The following RSU1 variants were observed in gnomAD, a reference collection of about 807,000 sequenced individuals.
The protein encoded by RSU1 is rsu-1.
RSU1 carries 26 observed loss-of-function variants against 31.1 expected under a neutral mutation model. The observed-to-expected ratio is 0.84, with a 90% confidence interval of 0.61 to 1.16. The LOEUF (loss-of-function observed/expected upper bound fraction) is 1.16. Ranked by LOEUF, RSU1 falls within the 50% of genes most tolerant of loss-of-function variation. The probability of loss-of-function intolerance (pLI) is 0.00; values close to 1 mark genes in which losing one functional copy is unlikely to be tolerated. For synonymous variants in RSU1, 164 were observed against 136.3 expected (o/e 1.20, Z -1.41); for missense variants, 320 against 339.1 (o/e 0.94, Z 0.44).
chr10:16,603,543 A>T (rs1380762702), intron 8 of RSU1, among the ~76,000 whole-genome samples: 1 of 152,242 alleles, frequency 6.6e-6, no homozygotes, highest in African/African-American at 2.4e-5. Context: ...TCCCTGGGGA[A>T]GGAGCTTTCA....
intron 8 of RSU1, among the ~76,000 whole-genome samples, chr10:16,628,408 A>G (rs934866235): frequency 1.3e-5 from 2 of 152,212 alleles, no homozygotes; most frequent in Non-Finnish European, 2.9e-5. Context: ...TTACCTTCTA[A>G]TCAATTTAAG....
At chr10:16,661,108 T>C (rs919506240) in intron 8 of RSU1, among the ~76,000 whole-genome samples, 2 of 152,242 alleles carry the variant, frequency 1.3e-5, no homozygotes, top group African/African-American at 2.4e-5. Flanking sequence ...TTTTTCTCTA[T>C]ATAGCTCACA....
chr10:16,729,501 A>C (rs1460849409), intron 7 of RSU1, among the ~76,000 whole-genome samples: 2 of 152,102 alleles, frequency 1.3e-5, no homozygotes, highest in African/African-American at 4.8e-5. Context: ...TAGTCAAGGA[A>C]GGTTAACTGT....
At chr10:16,805,477 C>T (rs1588548116) in intron 2 of RSU1, among the ~76,000 whole-genome samples, 1 of 151,952 alleles carries the variant, frequency 6.6e-6, no homozygotes, top group South Asian at 2.1e-4. Context: ...CGAGACCATC[C>T]TGGCTAACAC....
rs564082620 is a variant in RSU1, at chr10:16,805,691, T to G, written c.109+11282A>C. Among the ~76,000 whole-genome samples, 3 of 151,926 alleles carry G rather than the reference T, an allele frequency of 2.0e-5. No individual in the cohort carries two copies. In the South Asian group the frequency reaches 6.2e-4, roughly 32 times the overall value. On this transcript the variant is annotated intron_variant, in intron 2 of 8. Coordinates refer to ENST00000345264, the MANE Select transcript of RSU1 (RefSeq NM_012425.4). ...CAAAAAAAAAAAAAAAAAGCTTTTT[T>G]TTTTTTAAAGAGGGAGAATGAAGAT...
intron 7 of RSU1, among the ~76,000 whole-genome samples, chr10:16,737,991 A>T (rs895665907): frequency 5.3e-5 from 8 of 152,252 alleles, no homozygotes; most frequent in Admixed American, 2.0e-4. Flanking sequence ...AATGTTTCGG[A>T]TATCTCCGAA....
chr10:16,706,987 G>A (rs151110174), intron 7 of RSU1, among the ~76,000 whole-genome samples: 97 of 151,948 alleles, frequency 6.4e-4, no homozygotes, highest in African/African-American at 2.3e-3. Flanking sequence ...TCATATGAGT[G>A]GGATCATGTG....
chr10:16,667,234 T>A (rs999548519), intron 8 of RSU1, among the ~76,000 whole-genome samples: 4 of 152,218 alleles, frequency 2.6e-5, no homozygotes, highest in Admixed American at 6.5e-5. Context: ...ACTTTTCTAA[T>A]AATGTTCATT....
chr10:16,702,275 T>A (rs922355363), intron 7 of RSU1, among the ~76,000 whole-genome samples: 1 of 152,132 alleles, frequency 6.6e-6, no homozygotes, highest in Non-Finnish European at 1.5e-5. Flanking sequence ...AAATATGGGG[T>A]TGGAGCCCAG....
intron 8 of RSU1, among the ~76,000 whole-genome samples, chr10:16,614,458 CCCA>C (rs1008826541): frequency 2.0e-5 from 3 of 151,660 alleles, no homozygotes; most frequent in East Asian, 1.9e-4. Flanking sequence ...CTATAGTCCC[CCCA>C]CCACAAGAGA....
At chr10:16,677,998 A>G (rs1404887422) in intron 8 of RSU1, among the ~76,000 whole-genome samples, 3 of 151,030 alleles carry the variant, frequency 2.0e-5, no homozygotes, top group Non-Finnish European at 4.4e-5. Context: ...AAAAGAAACA[A>G]AAAAAAAATC....
intron 7 of RSU1, among the ~76,000 whole-genome samples, chr10:16,746,888 C>A (rs1336022755): frequency 6.6e-6 from 1 of 152,092 alleles, no homozygotes; most frequent in Non-Finnish European, 1.5e-5. Context: ...GCTGAAAATA[C>A]TGGGCAAAAA....
chr10:16,792,689 G>A (rs952260474), intron 2 of RSU1, among the ~76,000 whole-genome samples: 6 of 152,170 alleles, frequency 3.9e-5, no homozygotes, highest in Non-Finnish European at 7.3e-5. Flanking sequence ...CAGAACCCTC[G>A]GCAGTTGTGC....
chr10:16,607,919 T>C (rs927732111), intron 8 of RSU1, among the ~76,000 whole-genome samples: 15 of 152,106 alleles, frequency 9.9e-5, no homozygotes, highest in East Asian at 5.8e-4. Flanking sequence ...CTGGAGTGCA[T>C]TGGAACATTA....
chr10:16,654,673 A>G (rs1461665131), intron 8 of RSU1, among the ~76,000 whole-genome samples: 1 of 136,684 alleles, frequency 7.3e-6, no homozygotes, highest in Non-Finnish European at 1.6e-5. Context: ...CATCTCAAAA[A>G]CAAAAACAAA....
intron 2 of RSU1, 40 bp from the exon 3 acceptor site, chr10:16,782,124 G>A (rs759019328): frequency 2.7e-6 from 4 of 1,502,646 alleles, no homozygotes; most frequent in Non-Finnish European, 2.8e-6. Context: ...GTCAGTAAAT[G>A]TATCACTGTA....
intron 8 of RSU1, among the ~76,000 whole-genome samples, chr10:16,641,084 G>A (rs899738746): frequency 1.3e-5 from 2 of 152,264 alleles, no homozygotes; most frequent in South Asian, 2.1e-4. Context: ...GGGTTGACAG[G>A]TGCAGCAGTC....
At chr10:16,799,025 ATAAC>A (rs1478856488) in intron 2 of RSU1, among the ~76,000 whole-genome samples, 35 of 152,318 alleles carry the variant, frequency 2.3e-4, no homozygotes, top group Non-Finnish European at 3.5e-4. Flanking sequence ...GACAATCAAA[ATAAC>A]TAGAGATACA....
rs557376052 is a variant in RSU1, at chr10:16,661,779, T to A, written c.731+33244A>T. Reference sequence around the variant, plus strand: ...CAGGCCTAGTCATCTTTTTCCATAGTGGTTAAGTTCTGAGTTCCTTACATG... The same window carrying A: ...CAGGCCTAGTCATCTTTTTCCATAGAGGTTAAGTTCTGAGTTCCTTACATG... On this transcript the variant is annotated intron_variant, in intron 8 of 8. Transcript: ENST00000345264. Among the ~76,000 whole-genome samples, 9 of 152,336 alleles carry A rather than the reference T, an allele frequency of 5.9e-5. No individual in the cohort carries two copies. The South Asian group carries it at 1.7e-3, about 28-fold the overall frequency.
Sources: gnomAD v4.1 joint callset for allele counts (sites outside exome capture counted in the v4.1 genomes callset) on GRCh38, gnomAD v4.1.1 for gene constraint, MANE v1.5 for transcripts, NCBI Gene and HGNC (gene_info 2026-07-23, HGNC 2026-07-21) for gene names.